PPM1L: variants seen among roughly 807,000 people sequenced by gnomAD.
PPM1L encodes protein phosphatase, Mg2+/Mn2+ dependent 1L.
PPM1L carries 13 observed loss-of-function variants against 31.4 expected under a neutral mutation model. That is an observed-to-expected ratio of 0.41 (90% CI 0.27 to 0.66). The LOEUF (loss-of-function observed/expected upper bound fraction) is 0.66, where lower values mean the gene tolerates loss of function less well. Among genes scored for constraint, PPM1L ranks in the 30% least tolerant of loss-of-function variants. The pLI is 0.29. For missense variants in PPM1L, 326 were observed against 453.7 expected, an observed-to-expected ratio of 0.72 and a Z score of 2.56; for synonymous variants, 184 against 175.4, an observed-to-expected ratio of 1.05 and a Z score of -0.39.
At chr3:160,791,466 T>C (rs1388168848) in intron 1 of PPM1L, among the ~76,000 whole-genome samples, 1 of 152,176 alleles carries the variant, frequency 6.6e-6, no homozygotes, top group Admixed American at 6.6e-5. Context: ...TAATAGCTTA[T>C]ATTTTAGTCT....
At chr3:160,835,481 A>G (rs1463097936) in intron 1 of PPM1L, among the ~76,000 whole-genome samples, 1 of 152,010 alleles carries the variant, frequency 6.6e-6, no homozygotes, top group Non-Finnish European at 1.5e-5. Flanking sequence ...CCAATATTTC[A>G]TGTAAATTCC....
At chr3:160,899,648 A>G (rs1713472615) in intron 1 of PPM1L, among the ~76,000 whole-genome samples, 1 of 152,166 alleles carries the variant, frequency 6.6e-6, no homozygotes, top group African/African-American at 2.4e-5. Context: ...CTCATGACTT[A>G]TTTAATAGTT....
At chr3:160,821,473 C>T (rs1195969282) in intron 1 of PPM1L, among the ~76,000 whole-genome samples, 2 of 151,914 alleles carry the variant, frequency 1.3e-5, no homozygotes, top group African/African-American at 4.8e-5. Flanking sequence ...TCTCTAACGT[C>T]GTCAAAATAT....
rs1720065741 is a variant in PPM1L, at chr3:161,075,357, A to C, written c.*6200A>C. 1 of 152,198 alleles carries C rather than the reference A, an allele frequency of 6.6e-6. No homozygotes were observed. Among genetic ancestry groups the C allele is most frequent in the Non-Finnish European group, 1.5e-5 (1 of 68,038 alleles). The allele number at this position is 152,198 out of a possible 1,614,324, so 9.4% of individuals were successfully genotyped here. A position where few individuals can be genotyped will look rare whatever the true frequency, so the allele number is the denominator to read the frequency against. The stretch of plus-strand genomic sequence containing the variant: ...ATGTGGATTATCAGATTTTTACTAT[A>C]TATAGGTTGTGTTTAATAGTAATTT... On this transcript the variant is annotated 3_prime_UTR_variant, in exon 4 of 4. Coordinates refer to ENST00000498165, the MANE Select transcript of PPM1L (RefSeq NM_139245.4).
intron 2 of PPM1L, among the ~76,000 whole-genome samples, chr3:160,998,727 A>G (rs1207923301): frequency 6.6e-6 from 1 of 152,218 alleles, no homozygotes; most frequent in Admixed American, 6.5e-5. Flanking sequence ...TTGTGAAGGA[A>G]GAATAAATAT....
intron 1 of PPM1L, among the ~76,000 whole-genome samples, chr3:160,817,330 C>T (rs1466399854): frequency 2.0e-5 from 3 of 151,762 alleles, no homozygotes; most frequent in East Asian, 1.9e-4. Context: ...ATGTCAGAGG[C>T]GGAAGGACAA....
chr3:161,003,017 A>G (rs1439633372), intron 2 of PPM1L, among the ~76,000 whole-genome samples: 1 of 150,638 alleles, frequency 6.6e-6, no homozygotes, highest in Admixed American at 6.6e-5. Context: ...ATTTTTGTAT[A>G]AAGTGTAAGG....
intron 1 of PPM1L, among the ~76,000 whole-genome samples, chr3:160,773,841 T>C (rs1576631141): frequency 6.6e-6 from 1 of 152,250 alleles, no homozygotes; most frequent in East Asian, 1.9e-4. Context: ...CCACCTCTCT[T>C]CCAGAGACTC....
At position 161,069,256 on chromosome 3, in the gene PPM1L, C is replaced by A; in HGVS notation, c.*99C>A. On this transcript the variant is annotated 3_prime_UTR_variant, in exon 4 of 4. Coordinates refer to ENST00000498165, the MANE Select transcript of PPM1L (RefSeq NM_139245.4). ...TGTGGGAGTTGTAATTAGGATCATCCACCCCAGACATGGAATCCCCCCTCC... is the reference window on the plus strand; with the variant it reads ...TGTGGGAGTTGTAATTAGGATCATCAACCCCAGACATGGAATCCCCCCTCC... 1.1e-6 allele frequency: 1 copy of A among 908,410 alleles called. No individual in the cohort carries two copies. The highest frequency in any genetic ancestry group is 1.6e-6 in the Non-Finnish European group (1 of 615,232). 56.3% of individuals were successfully genotyped at this position (908,410 alleles called of 1,614,324 possible). A position where few individuals can be genotyped will look rare whatever the true frequency, so the allele number is the denominator to read the frequency against.
chr3:160,784,603 C>A (rs1711847167), intron 1 of PPM1L, among the ~76,000 whole-genome samples: 1 of 152,202 alleles, frequency 6.6e-6, no homozygotes, highest in Non-Finnish European at 1.5e-5. Flanking sequence ...GTGAGTTTAA[C>A]AATCTACAAA....
At chr3:161,050,706 C>T (rs1030945402) in intron 2 of PPM1L, among the ~76,000 whole-genome samples, 10 of 151,936 alleles carry the variant, frequency 6.6e-5, no homozygotes, top group Non-Finnish European at 1.3e-4. Context: ...AATTAATGTC[C>T]TTGTAATGCT....
intron 2 of PPM1L, among the ~76,000 whole-genome samples, chr3:161,038,652 T>C (rs1718822374): frequency 6.6e-6 from 1 of 151,522 alleles, no homozygotes. Flanking sequence ...TCATTCTTTA[T>C]TGTCAGCACA....
intron 2 of PPM1L, among the ~76,000 whole-genome samples, chr3:161,044,523 T>G (rs1431096695): frequency 1.3e-5 from 2 of 151,846 alleles, no homozygotes; most frequent in African/African-American, 4.8e-5. Context: ...GCAGATCACT[T>G]GAGCCCAGGA....
intron 1 of PPM1L, among the ~76,000 whole-genome samples, chr3:160,785,832 G>GT (rs75150439): frequency 0.033 from 4,007 of 120,114 alleles, 80 homozygotes; most frequent in Admixed American, 0.055. Flanking sequence ...GCGGTGCACT[G>GT]TTTTTTTTTT....
chr3:160,878,525 G>T (rs889330444), intron 1 of PPM1L, among the ~76,000 whole-genome samples: 4 of 152,064 alleles, frequency 2.6e-5, no homozygotes, highest in Non-Finnish European at 5.9e-5. Context: ...TCTTATAAGG[G>T]CACTAACCTT....
At chr3:160,757,234 A>C (rs1021462612) in intron 1 of PPM1L, among the ~76,000 whole-genome samples, 3 of 152,216 alleles carry the variant, frequency 2.0e-5, no homozygotes, top group Admixed American at 2.0e-4. Flanking sequence ...GAGGAATCCG[A>C]GGGGCAGCTC....
chr3:161,054,385 C>T (rs1719357874), intron 2 of PPM1L, among the ~76,000 whole-genome samples: 1 of 151,412 alleles, frequency 6.6e-6, no homozygotes, highest in Non-Finnish European at 1.5e-5. Flanking sequence ...TGTCTTTCTT[C>T]CTGGGGTCAG....
At chr3:160,797,921 T>G (rs7630250) in intron 1 of PPM1L, among the ~76,000 whole-genome samples, 1 of 151,674 alleles carries the variant, frequency 6.6e-6, no homozygotes, top group African/African-American at 2.4e-5. Flanking sequence ...GGCTCACGCC[T>G]GTAATCCCAG....
intron 1 of PPM1L, among the ~76,000 whole-genome samples, chr3:160,856,325 G>A (rs1002703988): frequency 2.0e-5 from 3 of 152,074 alleles, no homozygotes; most frequent in African/African-American, 4.8e-5. Context: ...AAACCCAAAG[G>A]AATATAAACC....
Sources: gnomAD v4.1 joint callset for allele counts (sites outside exome capture counted in the v4.1 genomes callset) on GRCh38, gnomAD v4.1.1 for gene constraint, MANE v1.5 for transcripts, NCBI Gene and HGNC (gene_info 2026-07-23, HGNC 2026-07-21) for gene names.